Variants in TMEM108 observed in about 807,000 individuals in gnomAD.
TMEM108 encodes cancer/testis antigen 124.
Under a neutral mutation model 35.1 loss-of-function variants are expected in TMEM108, and 12 were observed. That is an observed-to-expected ratio of 0.34 (90% CI 0.22 to 0.55). The LOEUF (loss-of-function observed/expected upper bound fraction) is 0.55. Ranked by LOEUF, TMEM108 falls within the 20% of genes least tolerant of loss-of-function variation. The probability of loss-of-function intolerance (pLI) is 0.89; values close to 1 mark genes in which losing one functional copy is unlikely to be tolerated. For missense variants in TMEM108, 680 were observed against 753.3 expected, an observed-to-expected ratio of 0.90 and a Z score of 1.14; for synonymous variants, 287 against 308.6, an observed-to-expected ratio of 0.93 and a Z score of 0.73.
At chr3:133,196,081 G>T (rs895620983) in intron 2 of TMEM108, among the ~76,000 whole-genome samples, 9 of 152,104 alleles carry the variant, frequency 5.9e-5, no homozygotes, top group African/African-American at 1.9e-4. Flanking sequence ...TTTAGCTGTT[G>T]GTAAGCCATT....
intron 3 of TMEM108, among the ~76,000 whole-genome samples, chr3:133,375,044 G>T (rs2072794020): frequency 6.6e-6 from 1 of 152,170 alleles, no homozygotes; most frequent in Non-Finnish European, 1.5e-5. Flanking sequence ...TTCCTCAATT[G>T]CAACAGGGAG....
At chr3:133,250,444 A>G (rs936251038) in intron 3 of TMEM108, among the ~76,000 whole-genome samples, 13 of 152,238 alleles carry the variant, frequency 8.5e-5, no homozygotes, top group African/African-American at 3.1e-4. Flanking sequence ...TATATATAAC[A>G]TACAAAATAT....
chr3:133,055,183 A>G (rs1368656793), intron 2 of TMEM108, among the ~76,000 whole-genome samples: 1 of 152,220 alleles, frequency 6.6e-6, no homozygotes, highest in Non-Finnish European at 1.5e-5. Flanking sequence ...CTTAACATAT[A>G]TCCATGTTTC....
At chr3:133,280,585 A>G (rs912432478) in intron 3 of TMEM108, among the ~76,000 whole-genome samples, 2 of 152,226 alleles carry the variant, frequency 1.3e-5, no homozygotes, top group Admixed American at 1.3e-4. Flanking sequence ...GATTTAATTA[A>G]CATTCCTGTG....
intron 2 of TMEM108, chr3:133,125,234 G>C (rs978323521): frequency 6.6e-6 from 1 of 152,172 alleles, no homozygotes; most frequent in Non-Finnish European, 1.5e-5. Flanking sequence ...ATCTGTTCAT[G>C]AATTATAGTT....
rs1035303014 is a variant in TMEM108 at position 133,346,440 on chromosome 3, C to T, written c.41-33312C>T. ...ATGACATTGAACATCTTTTCATATG[C>T]TTATTGGCTATCTGTATTATCTTCA... is the stretch of plus-strand genomic sequence containing the variant. On this transcript the variant is annotated intron_variant, in intron 3 of 5. Coordinates refer to ENST00000321871, the MANE Select transcript of TMEM108 (RefSeq NM_023943.4). The surrounding 1 kb of genome is among the most constrained non-coding windows in gnomAD (Gnocchi z 4.0). 2.6e-5 allele frequency among the ~76,000 whole-genome samples: 4 copies of T among 151,880 alleles called. No homozygotes were observed. Among genetic ancestry groups the T allele is most frequent in the Non-Finnish European group, 4.4e-5 (3 of 67,892 alleles).
intron 2 of TMEM108, among the ~76,000 whole-genome samples, chr3:133,085,247 T>G (rs969258821): frequency 6.6e-6 from 1 of 152,186 alleles, no homozygotes; most frequent in Admixed American, 6.5e-5. Flanking sequence ...AAATTCCAAA[T>G]ATAAAATGAA....
At chr3:133,205,516 C>T (rs1022659142) in intron 2 of TMEM108, among the ~76,000 whole-genome samples, 5 of 152,280 alleles carry the variant, frequency 3.3e-5, no homozygotes, top group African/African-American at 9.6e-5. Context: ...CAAAATCTCT[C>T]AGTATTTGCT....
chr3:133,289,949 T>G (rs1334794597), intron 3 of TMEM108, among the ~76,000 whole-genome samples: 1 of 152,188 alleles, frequency 6.6e-6, no homozygotes, highest in Non-Finnish European at 1.5e-5. Flanking sequence ...CACATATCCA[T>G]TCAACCAATA....
intron 2 of TMEM108, among the ~76,000 whole-genome samples, chr3:133,129,678 G>A (rs1944464378): frequency 6.6e-6 from 1 of 152,034 alleles, no homozygotes. Context: ...GAAACTTGTT[G>A]ATTGTCTATT....
intron 2 of TMEM108, among the ~76,000 whole-genome samples, chr3:133,177,912 C>A (rs2107798731): frequency 6.6e-6 from 1 of 152,242 alleles, no homozygotes; most frequent in South Asian, 2.1e-4. Flanking sequence ...ATCTAGAAAA[C>A]CCCATCGTCT....
intron 3 of TMEM108, among the ~76,000 whole-genome samples, chr3:133,323,711 T>C (rs112787867): frequency 6.6e-6 from 1 of 152,084 alleles, no homozygotes; most frequent in African/African-American, 2.4e-5. Flanking sequence ...AGACCCCACA[T>C]AGCCAAAGCA....
chr3:133,225,573 A>G (rs1015443089), intron 2 of TMEM108, among the ~76,000 whole-genome samples: 3 of 152,174 alleles, frequency 2.0e-5, no homozygotes, highest in African/African-American at 4.8e-5. Context: ...CTGGATTTTG[A>G]TGAGATCAAG....
chr3:133,159,561 C>CGT (rs1944931493), intron 2 of TMEM108, among the ~76,000 whole-genome samples: 1 of 152,142 alleles, frequency 6.6e-6, no homozygotes, highest in East Asian at 1.9e-4. Flanking sequence ...ATTTAAGAAG[C>CGT]CCACTATGAT....
At chr3:133,169,758 G>T (rs1945101064) in intron 2 of TMEM108, among the ~76,000 whole-genome samples, 1 of 152,142 alleles carries the variant, frequency 6.6e-6, no homozygotes, top group African/African-American at 2.4e-5. Flanking sequence ...ATCTAGTTCT[G>T]TTTCCCCTGA....
rs5852749 is a variant in TMEM108, at chr3:133,396,150, T to TA, written c.*178dup. On this transcript the variant is annotated 3_prime_UTR_variant, in exon 6 of 6. Transcript: ENST00000321871. ...CAACATCTTTTTTACAAGTGTGGTT[T>TA]AAAAAAAAAAAAAACTTTACAGAAT... is the stretch of plus-strand genomic sequence containing the variant. The TA allele has an allele frequency of 1.4e-3, 312 of 217,430 alleles. No individual in the cohort carries two copies. Among genetic ancestry groups the TA allele is most frequent in the Middle Eastern group, 4.0e-3 (2 of 504 alleles). 13.5% of individuals were successfully genotyped at this position (217,430 alleles called of 1,614,324 possible). A position where few individuals can be genotyped will look rare whatever the true frequency, so the allele number is the denominator to read the frequency against.
chr3:133,063,815 C>T (rs1296689723), intron 2 of TMEM108, among the ~76,000 whole-genome samples: 1 of 152,068 alleles, frequency 6.6e-6, no homozygotes, highest in African/African-American at 2.4e-5. Context: ...CATAGGGCCC[C>T]CATTTAACCC....
In TMEM108 at chr3:133,073,520, A is replaced by C. The variant is rs1214036977; in HGVS notation, c.-47+27500A>C. Among the ~76,000 whole-genome samples, 500 of 88,286 alleles carry C rather than the reference A, an allele frequency of 5.7e-3. 4 individuals are homozygous for C. The highest frequency in any genetic ancestry group is 0.022 in the African/African-American group (425 of 18,958). The allele number at this position is 88,286 out of a possible 152,430, so 57.9% of individuals were successfully genotyped here. On this transcript the variant is annotated intron_variant, in intron 2 of 5. Coordinates refer to ENST00000321871, the MANE Select transcript of TMEM108 (RefSeq NM_023943.4). ...TCTCTCTCTCTCTCTCTATATATATATATATATATATATATCACATTTTCT... is the reference window on the plus strand; with the variant it reads ...TCTCTCTCTCTCTCTCTATATATATCTATATATATATATATCACATTTTCT...
chr3:133,247,158 A>G (rs914303035), intron 3 of TMEM108: 1 of 152,202 alleles, frequency 6.6e-6, no homozygotes, highest in Non-Finnish European at 1.5e-5. Flanking sequence ...TTCCAAATGA[A>G]CAAACTGTCA....
Sources: allele counts gnomAD v4.1 joint callset (sites outside exome capture counted in the v4.1 genomes callset), GRCh38; gene constraint gnomAD v4.1.1; non-coding constraint Gnocchi (gnomAD v3.1); transcripts MANE v1.5; gene names NCBI Gene and HGNC (gene_info 2026-07-23, HGNC 2026-07-21).